The following NKAIN3 variants were observed in gnomAD, a reference collection of about 807,000 sequenced individuals.
NKAIN3 encodes the protein sodium/potassium transporting ATPase interacting 3, also known as sodium/potassium-transporting ATPase subunit beta-1-interacting protein 3.
NKAIN3 carries 25 observed loss-of-function variants against 30.2 expected under a neutral mutation model. The ratio of observed to expected loss-of-function variants is 0.83; its 90% confidence interval spans 0.60 to 1.16. The LOEUF is 1.16. Among genes scored for constraint, NKAIN3 ranks in the 50% most tolerant of loss-of-function variants. The pLI is 0.00. For synonymous variants in NKAIN3, 91 were observed against 89.6 expected (o/e 1.02, Z -0.09); for missense variants, 225 against 254.1 (o/e 0.89, Z 0.78).
At chr8:62,964,308 T>C (rs1169906024) in intron 6 of NKAIN3, among the ~76,000 whole-genome samples, 1 of 152,222 alleles carries the variant, frequency 6.6e-6, no homozygotes, top group African/African-American at 2.4e-5. Context: ...AGCAAAAGTG[T>C]TCAACAGATG....
chr8:62,813,795 C>A (rs1335635525), intron 4 of NKAIN3, among the ~76,000 whole-genome samples: 1 of 151,986 alleles, frequency 6.6e-6, no homozygotes, highest in African/African-American at 2.4e-5. Flanking sequence ...TGTATTTTTG[C>A]TTCCTGATGT....
At position 62,969,650 on chromosome 8, in the gene NKAIN3, T is replaced by C. The variant is rs559030203; in HGVS notation, c.*4243T>C. 1.3e-5 allele frequency among the ~76,000 whole-genome samples: 2 copies of C among 152,204 alleles called. No individual in the cohort carries two copies. Among genetic ancestry groups the C allele is most frequent in the Admixed American group, 1.3e-4 (2 of 15,276 alleles). On this transcript the variant is annotated 3_prime_UTR_variant, in exon 7 of 7. Transcript: ENST00000623646. ...GCCCAAGATACGTTCTTTCCAGGTA[T>C]AGCTGAATTAAGTAGGAAAAATATA...
chr8:62,653,507 G>A (rs548730449), intron 3 of NKAIN3, among the ~76,000 whole-genome samples: 2 of 152,226 alleles, frequency 1.3e-5, no homozygotes, highest in South Asian at 2.1e-4. Context: ...AAGTATTATG[G>A]TAGAAAAGTT....
intron 3 of NKAIN3, among the ~76,000 whole-genome samples, chr8:62,717,027 A>T (rs557106710): frequency 2.6e-5 from 4 of 152,364 alleles, no homozygotes; most frequent in African/African-American, 9.6e-5. Flanking sequence ...AGCTACATCA[A>T]TGACTGAATT....
chr8:62,511,668 C>T (rs934053232), intron 1 of NKAIN3, among the ~76,000 whole-genome samples: 19 of 152,166 alleles, frequency 1.2e-4, no homozygotes, highest in African/African-American at 4.6e-4. Flanking sequence ...GCTTTCTCTA[C>T]CACAGTTCCA....
At chr8:62,731,905 A>G (rs539847115) in intron 3 of NKAIN3, among the ~76,000 whole-genome samples, 1 of 152,252 alleles carries the variant, frequency 6.6e-6, no homozygotes, top group East Asian at 1.9e-4. Flanking sequence ...AGGAAACCCT[A>G]CATAAGACAA....
chr8:62,678,206 T>C (rs921009962), intron 3 of NKAIN3, among the ~76,000 whole-genome samples: 1 of 152,222 alleles, frequency 6.6e-6, no homozygotes, highest in Non-Finnish European at 1.5e-5. Flanking sequence ...CCTTTAATGC[T>C]TCTTCTGTGC....
chr8:62,348,476 T>C (rs544776253), intron 1 of NKAIN3, among the ~76,000 whole-genome samples: 2 of 152,296 alleles, frequency 1.3e-5, no homozygotes, highest in South Asian at 4.1e-4. Flanking sequence ...AATAGCAAAA[T>C]ACATGTGTAA....
intron 5 of NKAIN3, among the ~76,000 whole-genome samples, chr8:62,942,485 C>T (rs2130884687): frequency 6.7e-6 from 1 of 149,740 alleles, no homozygotes; most frequent in East Asian, 2.0e-4. Flanking sequence ...CAATTCCCAT[C>T]ACAATACCAT....
At chr8:62,839,850 C>G (rs1288838822) in intron 4 of NKAIN3, among the ~76,000 whole-genome samples, 1 of 152,036 alleles carries the variant, frequency 6.6e-6, no homozygotes, top group Non-Finnish European at 1.5e-5. Flanking sequence ...AGGCCTCAAG[C>G]AATATTCCCT....
chr8:62,748,508 G>A (rs532361674), intron 4 of NKAIN3, among the ~76,000 whole-genome samples: 1 of 152,296 alleles, frequency 6.6e-6, no homozygotes, highest in South Asian at 2.1e-4. Context: ...GTGAGAGGGG[G>A]CTATCAAAAG....
intron 3 of NKAIN3, among the ~76,000 whole-genome samples, chr8:62,655,387 T>G (rs952754601): frequency 1.3e-5 from 2 of 152,170 alleles, no homozygotes; most frequent in African/African-American, 4.8e-5. Flanking sequence ...AATATGACTT[T>G]GATTCCAGGA....
At chr8:62,613,352 C>T (rs1811350363) in intron 3 of NKAIN3, among the ~76,000 whole-genome samples, 1 of 152,152 alleles carries the variant, frequency 6.6e-6, no homozygotes, top group Non-Finnish European at 1.5e-5. Flanking sequence ...CCACTCTCTA[C>T]TAGCCTGTAA....
chr8:62,574,632 A>G (rs1266380053), intron 1 of NKAIN3, among the ~76,000 whole-genome samples: 2 of 152,060 alleles, frequency 1.3e-5, no homozygotes, highest in South Asian at 2.1e-4. Flanking sequence ...ACCGTTCTCC[A>G]TAGTGGTTGT....
intron 1 of NKAIN3, among the ~76,000 whole-genome samples, chr8:62,413,234 G>A (rs1804319627): frequency 6.6e-6 from 1 of 152,196 alleles, no homozygotes; most frequent in Non-Finnish European, 1.5e-5. Flanking sequence ...AAGCAGTTTG[G>A]AGATTTTTCT....
At chr8:62,274,780 G>A (rs1245315249) in intron 1 of NKAIN3, among the ~76,000 whole-genome samples, 1 of 142,700 alleles carries the variant, frequency 7.0e-6, no homozygotes, top group Non-Finnish European at 1.5e-5. Context: ...AGAGTGTGAT[G>A]TTCCCCTTCC....
chr8:62,799,202 A>G (rs1817974008), intron 4 of NKAIN3, among the ~76,000 whole-genome samples: 1 of 152,226 alleles, frequency 6.6e-6, no homozygotes, highest in Non-Finnish European at 1.5e-5. Flanking sequence ...AAATAATTTC[A>G]TCATGTTTGG....
chr8:62,864,462 A>G (rs946830524), intron 4 of NKAIN3, among the ~76,000 whole-genome samples: 1 of 152,212 alleles, frequency 6.6e-6, no homozygotes, highest in African/African-American at 2.4e-5. Flanking sequence ...AGGATAATGA[A>G]GAAGACCGCC....
At chr8:62,793,387 C>T (rs915092608) in intron 4 of NKAIN3, among the ~76,000 whole-genome samples, 1 of 152,122 alleles carries the variant, frequency 6.6e-6, no homozygotes, top group African/African-American at 2.4e-5. Context: ...GACATGGCAC[C>T]CCAAGCCCTT....
Sources: allele counts gnomAD v4.1 joint callset (sites outside exome capture counted in the v4.1 genomes callset), GRCh38; gene constraint gnomAD v4.1.1; transcripts MANE v1.5; gene names NCBI Gene and HGNC (gene_info 2026-07-23, HGNC 2026-07-21).